Variants in KHDRBS2 observed in about 807,000 individuals in gnomAD.
KHDRBS2 encodes KH RNA binding domain containing, signal transduction associated 2, also known as KH domain-containing, RNA-binding, signal transduction-associated protein 2.
Under a neutral mutation model 44.3 loss-of-function variants are expected in KHDRBS2, and 26 were observed. That is an observed-to-expected ratio of 0.59 (90% CI 0.43 to 0.81). The LOEUF (loss-of-function observed/expected upper bound fraction) is 0.81. Ranked by LOEUF, KHDRBS2 falls within the 40% of genes least tolerant of loss-of-function variation. KHDRBS2 has a pLI of 0.00. For missense variants in KHDRBS2, 476 were observed against 433.1 expected, an observed-to-expected ratio of 1.10 and a Z score of -0.88; for synonymous variants, 194 against 151.1, an observed-to-expected ratio of 1.28 and a Z score of -2.08.
At chr6:61,619,163 A>T in the KHDRBS2 span, among the ~76,000 whole-genome samples, 3 of 152,122 alleles carry the variant, frequency 2.0e-5, no homozygotes, top group Non-Finnish European at 4.4e-5. Context: ...GGTTTTTGTT[A>T]TATGGATGAA....
the KHDRBS2 span, among the ~76,000 whole-genome samples, chr6:61,616,612 GCAAAGGT>G: frequency 6.6e-6 from 1 of 151,828 alleles, no homozygotes; most frequent in African/African-American, 2.4e-5. Context: ...CTTGGCATCT[GCAAAGGT>G]CAAATATGAA....
chr6:61,558,455 G>A, the KHDRBS2 span, among the ~76,000 whole-genome samples: 49 of 152,046 alleles, frequency 3.2e-4, no homozygotes. Context: ...CCAGCCACTT[G>A]GGAGATTGAG....
rs191201858 is a variant in KHDRBS2, at chr6:62,050,149, T to G, written c.220-2155A>C. ...TGAGTTCATGCCCTTTTCAGGGACA[T>G]GGTTGAAGCTGGAAACCATCATTCT... On this transcript the variant is annotated intron_variant, in intron 2 of 8. Transcript: ENST00000281156. 7.8e-3 allele frequency among the ~76,000 whole-genome samples: 1,193 copies of G among 152,160 alleles called. 10 individuals are homozygous for G. The highest frequency in any genetic ancestry group is 0.037 in the Middle Eastern group (11 of 294).
intron 6 of KHDRBS2, among the ~76,000 whole-genome samples, chr6:61,781,576 T>G (rs1039011260): frequency 3.3e-5 from 5 of 152,226 alleles, no homozygotes; most frequent in African/African-American, 1.2e-4. Flanking sequence ...TTATAACCTT[T>G]TCTCCCTGTT....
intron 3 of KHDRBS2, among the ~76,000 whole-genome samples, chr6:61,982,517 A>G (rs1252025963): frequency 2.6e-5 from 4 of 151,600 alleles, no homozygotes; most frequent in Admixed American, 2.6e-4. Flanking sequence ...TAAAAATACA[A>G]AAAATTAGCC....
intron 1 of KHDRBS2, among the ~76,000 whole-genome samples, chr6:62,240,287 T>C (rs1414907087): frequency 6.6e-6 from 1 of 152,130 alleles, no homozygotes; most frequent in Non-Finnish European, 1.5e-5. Flanking sequence ...GTGGGTGTTT[T>C]ATTTTGAGAA....
rs374797765 is a variant in KHDRBS2, at chr6:62,062,634, T to A, written c.220-14640A>T. Among the ~76,000 whole-genome samples, 15 of 148,656 alleles carry A rather than the reference T, an allele frequency of 1.0e-4. No homozygotes were observed. In the East Asian group the frequency reaches 2.8e-3, roughly 28 times the overall value. Reference sequence around the variant, plus strand: ...TCTGGGACGCATTCAAAGCAGTGTGTAGAGGGAAATTTACAGCACTAAATG... The same window carrying A: ...TCTGGGACGCATTCAAAGCAGTGTGAAGAGGGAAATTTACAGCACTAAATG... On this transcript the variant is annotated intron_variant, in intron 2 of 8. Coordinates refer to ENST00000281156, the MANE Select transcript of KHDRBS2 (RefSeq NM_152688.4).
the KHDRBS2 span, among the ~76,000 whole-genome samples, chr6:61,570,501 A>G: frequency 6.6e-6 from 1 of 152,146 alleles, no homozygotes; most frequent in South Asian, 2.1e-4. Context: ...ATTTGAGGGA[A>G]TGATTGAGGA....
chr6:62,207,836 A>G (rs1362847534), intron 1 of KHDRBS2, among the ~76,000 whole-genome samples: 1 of 152,220 alleles, frequency 6.6e-6, no homozygotes, highest in African/African-American at 2.4e-5. Flanking sequence ...ATACATATAG[A>G]TACTAAGACG....
chr6:61,851,658 C>T (rs773970140), intron 6 of KHDRBS2, among the ~76,000 whole-genome samples: 4 of 152,162 alleles, frequency 2.6e-5, no homozygotes, highest in Non-Finnish European at 4.4e-5. Flanking sequence ...CTGCTGACAA[C>T]TTAGTCTTGG....
intron 1 of KHDRBS2, among the ~76,000 whole-genome samples, chr6:62,239,683 T>C (rs890721621): frequency 3.9e-5 from 6 of 152,070 alleles, no homozygotes; most frequent in African/African-American, 1.4e-4. Context: ...AAACTATTTA[T>C]TTATTTATTT....
chr6:61,802,865 T>A (rs542021348), intron 6 of KHDRBS2, among the ~76,000 whole-genome samples: 1 of 152,138 alleles, frequency 6.6e-6, no homozygotes, highest in Non-Finnish European at 1.5e-5. Context: ...GAGCACTACA[T>A]TCATGTCTCC....
intron 1 of KHDRBS2, among the ~76,000 whole-genome samples, chr6:62,235,095 C>T (rs1833501937): frequency 7.2e-6 from 1 of 138,278 alleles, no homozygotes; most frequent in African/African-American, 2.7e-5. Context: ...TTTTTTGAGC[C>T]AGCTCAAAAT....
rs1393946219 is a variant in KHDRBS2, at chr6:62,023,999, A to G, written c.336+23879T>C. Among the ~76,000 whole-genome samples the G allele has an allele frequency of 6.0e-5, 9 of 151,252 alleles. No individual in the cohort carries two copies. In the Admixed American group the frequency reaches 6.0e-4, roughly 10 times the overall value. ...TCATTGTTTTCTAAGATTTTTGACC[A>G]AGAGTCTCTACCAAAATAATTTGTT... On this transcript the variant is annotated intron_variant, in intron 3 of 8. Coordinates refer to ENST00000281156, the MANE Select transcript of KHDRBS2 (RefSeq NM_152688.4).
intron 6 of KHDRBS2, among the ~76,000 whole-genome samples, chr6:61,799,963 G>A (rs571772257): frequency 2.0e-5 from 3 of 152,114 alleles, no homozygotes; most frequent in African/African-American, 7.2e-5. Flanking sequence ...ATATATGCTA[G>A]TATTCATATA....
the KHDRBS2 span, among the ~76,000 whole-genome samples, chr6:61,559,142 G>A: frequency 6.6e-6 from 1 of 152,022 alleles, no homozygotes; most frequent in African/African-American, 2.4e-5. Flanking sequence ...TCCATTTGCT[G>A]AATTGATTTT....
At chr6:61,546,899 C>T in the KHDRBS2 span, among the ~76,000 whole-genome samples, 122,710 of 151,950 alleles carry the variant, frequency 0.81, 50,054 homozygotes, top group African/African-American at 0.91. Flanking sequence ...ATTCATTCAT[C>T]CATTTTCCAA....
At chr6:61,614,246 G>T in the KHDRBS2 span, among the ~76,000 whole-genome samples, 2 of 152,038 alleles carry the variant, frequency 1.3e-5, no homozygotes, top group African/African-American at 4.8e-5. Context: ...ATCTCCCAAG[G>T]TTATGGTTAT....
chr6:61,726,171 C>T (rs750344639), intron 7 of KHDRBS2, among the ~76,000 whole-genome samples: 106 of 152,016 alleles, frequency 7.0e-4, no homozygotes, highest in Non-Finnish European at 4.3e-4. Flanking sequence ...TTTGGTTCAT[C>T]GCATAAACAG....
Sources: allele counts gnomAD v4.1 joint callset (sites outside exome capture counted in the v4.1 genomes callset), GRCh38; gene constraint gnomAD v4.1.1; transcripts MANE v1.5; gene names NCBI Gene and HGNC (gene_info 2026-07-23, HGNC 2026-07-21).